The following HDAC9 variants were observed in gnomAD, a reference collection of about 807,000 sequenced individuals.
HDAC9 encodes the protein MEF-2 interacting transcription repressor (MITR) protein.
Under a neutral mutation model 139.4 loss-of-function variants are expected in HDAC9, and 41 were observed. That is an observed-to-expected ratio of 0.29 (90% CI 0.23 to 0.38). The LOEUF is 0.38. Ranked by LOEUF, HDAC9 falls within the 10% of genes least tolerant of loss-of-function variation. The pLI, the probability that HDAC9 is intolerant of heterozygous loss-of-function variation, is 1.00. For missense variants in HDAC9, 1,147 were observed against 1,297.0 expected, an observed-to-expected ratio of 0.88 and a Z score of 1.78; for synonymous variants, 517 against 476.2, an observed-to-expected ratio of 1.09 and a Z score of -1.12.
intron 1 of HDAC9, among the ~76,000 whole-genome samples, chr7:18,349,253 C>G (rs1190795096): frequency 2.0e-5 from 3 of 151,082 alleles, no homozygotes; most frequent in Non-Finnish European, 4.4e-5. Context: ...GTGCACCTCT[C>G]CCTGACCTCA....
At chr7:18,636,167 T>G (rs10228382) in intron 8 of HDAC9, among the ~76,000 whole-genome samples, 3,754 of 152,112 alleles carry the variant, frequency 0.025, 180 homozygotes, top group African/African-American at 0.086. Context: ...AGATAAAGCC[T>G]AGTACCAACC....
chr7:18,561,518 A>G (rs1820593429), intron 2 of HDAC9, among the ~76,000 whole-genome samples: 1 of 152,198 alleles, frequency 6.6e-6, no homozygotes, highest in South Asian at 2.1e-4. Context: ...ATGGTTGTGC[A>G]ACCATCACCA....
intron 1 of HDAC9, among the ~76,000 whole-genome samples, chr7:18,149,200 T>C (rs1446564103): frequency 6.6e-6 from 1 of 152,168 alleles, no homozygotes; most frequent in Non-Finnish European, 1.5e-5. Context: ...TCTTTTTTAT[T>C]TATTGCCTGC....
At chr7:18,517,478 C>G (rs1469637982) in intron 2 of HDAC9, among the ~76,000 whole-genome samples, 1 of 152,158 alleles carries the variant, frequency 6.6e-6, no homozygotes, top group African/African-American at 2.4e-5. Context: ...ATTATTTCCT[C>G]CCCTCCATTT....
chr7:18,577,679 CA>C (rs1201719153), intron 2 of HDAC9, among the ~76,000 whole-genome samples: 1 of 151,704 alleles, frequency 6.6e-6, no homozygotes, highest in African/African-American at 2.4e-5. Context: ...AGCATATGCT[CA>C]AAAAATGTTT....
At chr7:18,661,262 A>G (rs1793042314) in intron 11 of HDAC9, among the ~76,000 whole-genome samples, 1 of 152,168 alleles carries the variant, frequency 6.6e-6, no homozygotes, top group Non-Finnish European at 1.5e-5. Context: ...AGTTGGGTAA[A>G]GCTGTTTACT....
chr7:18,987,535 G>A (rs1409261967), intron 25 of HDAC9, among the ~76,000 whole-genome samples: 1 of 151,466 alleles, frequency 6.6e-6, no homozygotes, highest in African/African-American at 2.4e-5. Flanking sequence ...TCTCTTTTTT[G>A]GTTGTGTCTC....
rs891973188 is a variant in HDAC9, at chr7:18,191,882, T to C, written c.25+29533T>C. ...TTTAGAGTAAAGCATTTTGAAATCA[T>C]TGACAAGCACAAATACTGTTAGATT... On this transcript the variant is annotated intron_variant, in intron 2 of 12. Coordinates refer to the HDAC9 transcript ENST00000417496. Among the ~76,000 whole-genome samples the C allele has an allele frequency of 4.6e-5, 7 of 152,326 alleles. No homozygotes were observed. The East Asian group carries it at 7.7e-4, about 17-fold the overall frequency.
chr7:18,786,486 C>CTTCCTTCCTTCCTTCCTTCCTTCCTTCA (rs1791750143), intron 16 of HDAC9, among the ~76,000 whole-genome samples: 19 of 32,732 alleles, frequency 5.8e-4, no homozygotes, highest in African/African-American at 1.2e-3. Context: ...TCCTTCCTTT[C>CTTCCTTCCTTCCTTCCTTCCTTCCTTCA]TTCCTTCCTT....
intron 12 of HDAC9, among the ~76,000 whole-genome samples, chr7:18,671,410 A>G (rs1335563718): frequency 6.6e-6 from 1 of 151,924 alleles, no homozygotes; most frequent in Non-Finnish European, 1.5e-5. Context: ...TTCAGAAATA[A>G]TGTTTTGGAG....
At chr7:18,668,829 G>GT (rs565674107) in intron 12 of HDAC9, 4 of 982,110 alleles carry the variant, frequency 4.1e-6, no homozygotes, top group South Asian at 4.7e-5. Flanking sequence ...CTCAAATAAA[G>GT]TTTTTTTTAA....
At chr7:18,666,538 C>G in intron 12 of HDAC9, 62 bp downstream of exon 12, 1 of 1,565,318 alleles carries the variant, frequency 6.4e-7, no homozygotes, top group Non-Finnish European at 8.7e-7. Flanking sequence ...ACATGAAATG[C>G]ATTGCAGGTT....
In HDAC9 at chr7:18,727,746, G is replaced by A. The variant is rs781107777; in HGVS notation, c.1898G>A (p.Gly633Asp). 6.5e-7 allele frequency: 1 copy of A among 1,526,730 alleles called. No homozygotes were observed. Among genetic ancestry groups the A allele is most frequent in the Non-Finnish European group, 8.7e-7 (1 of 1,145,666 alleles). The allele number at this position is 1,526,730 out of a possible 1,614,324, so 94.6% of individuals were successfully genotyped here. A position where few individuals can be genotyped will look rare whatever the true frequency, so the allele number is the denominator to read the frequency against. The stretch of plus-strand genomic sequence containing the variant: ...GCAATGGACCGCCCCCTCCAGCCTG[G>A]CTCTGCAACTGGTAGGAATCCCTAA... Reference protein sequence around the residue: ...HPAMDRPLQPGSATGIAYDPL... With the variant: ...HPAMDRPLQPDSATGIAYDPL... The change falls in exon 13 of 26, where the codon GGC becomes GAC. Residue 633 changes from glycine to aspartate, a missense_variant. This residue lies in a region of HDAC9 where 256 missense variants were observed against 219.2 expected (regional missense o/e 1.17). Transcript: ENST00000686413.
intron 21 of HDAC9, among the ~76,000 whole-genome samples, chr7:18,855,735 G>C (rs958005370): frequency 1.3e-5 from 2 of 151,994 alleles, no homozygotes; most frequent in Non-Finnish European, 2.9e-5. Flanking sequence ...AGAAAAGAGG[G>C]AGAAGGGATT....
chr7:18,738,504 C>A (rs1051216597), intron 13 of HDAC9, among the ~76,000 whole-genome samples: 1 of 152,126 alleles, frequency 6.6e-6, no homozygotes, highest in Non-Finnish European at 1.5e-5. Flanking sequence ...GATTTTATTT[C>A]TCCTTCACTT....
intron 6 of HDAC9, among the ~76,000 whole-genome samples, chr7:18,627,937 T>C (rs987215211): frequency 2.6e-5 from 4 of 151,704 alleles, no homozygotes; most frequent in African/African-American, 9.8e-5. Flanking sequence ...AGAAAACATA[T>C]AATGCAAGAG....
chr7:18,845,972 C>T (rs1412761516), intron 21 of HDAC9, among the ~76,000 whole-genome samples: 1 of 152,090 alleles, frequency 6.6e-6, no homozygotes, highest in African/African-American at 2.4e-5. Context: ...CAGTGAAGCC[C>T]CTGTGTCACA....
chr7:18,338,293 C>T (rs994764117), intron 1 of HDAC9, among the ~76,000 whole-genome samples: 7 of 151,546 alleles, frequency 4.6e-5, no homozygotes, highest in African/African-American at 1.7e-4. Flanking sequence ...AATATCTGAA[C>T]AGAGGAAGAG....
At chr7:18,255,998 C>G (rs955630159) in intron 2 of HDAC9, among the ~76,000 whole-genome samples, 11 of 152,120 alleles carry the variant, frequency 7.2e-5, no homozygotes, top group Non-Finnish European at 1.0e-4. Flanking sequence ...GTTTAAAAAG[C>G]CTTAATTGCT....
Sources: gnomAD v4.1 joint callset for allele counts (sites outside exome capture counted in the v4.1 genomes callset) on GRCh38, gnomAD v4.1.1 for gene constraint, gnomAD v4.1.1 regional missense constraint, MANE v1.5 for transcripts, NCBI Gene and HGNC (gene_info 2026-07-23, HGNC 2026-07-21) for gene names.